Variants in PDE7A observed in about 807,000 individuals in gnomAD.
The protein encoded by PDE7A is high affinity 3',5'-cyclic-AMP phosphodiesterase 7A.
In PDE7A, 39 loss-of-function variants were observed where a neutral mutation model predicts 64.3. The ratio of observed to expected loss-of-function variants is 0.61; its 90% confidence interval spans 0.47 to 0.79. PDE7A has a LOEUF of 0.79. PDE7A is among the 30% of genes least tolerant of loss of function. PDE7A has a pLI of 0.00. For synonymous variants in PDE7A, 203 were observed against 206.8 expected (o/e 0.98, Z 0.16); for missense variants, 470 against 582.8 (o/e 0.81, Z 1.99).
chr8:65,815,933 T>C (rs1303113691), intron 1 of PDE7A, among the ~76,000 whole-genome samples: 1 of 152,314 alleles, frequency 6.6e-6, no homozygotes, highest in East Asian at 1.9e-4. Flanking sequence ...CAACACACTA[T>C]AACAAATTCA....
intron 1 of PDE7A, among the ~76,000 whole-genome samples, chr8:65,827,845 C>T (rs1235572480): frequency 2.0e-5 from 3 of 152,102 alleles, no homozygotes; most frequent in South Asian, 2.1e-4. Flanking sequence ...ACGACGAAAT[C>T]GCCTAATGAT....
At chr8:65,721,498 G>A (rs544138025) in intron 12 of PDE7A, among the ~76,000 whole-genome samples, 22 of 152,186 alleles carry the variant, frequency 1.4e-4, no homozygotes, top group African/African-American at 2.9e-4. Context: ...TCAAAGCACC[G>A]GTCCCCTAGG....
At chr8:65,801,779 G>C (rs1027879794) in intron 1 of PDE7A, among the ~76,000 whole-genome samples, 11 of 152,110 alleles carry the variant, frequency 7.2e-5, no homozygotes, top group Non-Finnish European at 1.6e-4. Context: ...AATTGCAAAG[G>C]CAATTAAGAC....
At chr8:65,807,619 A>T (rs1377225820) in intron 1 of PDE7A, among the ~76,000 whole-genome samples, 1 of 152,210 alleles carries the variant, frequency 6.6e-6, no homozygotes, top group Non-Finnish European at 1.5e-5. Flanking sequence ...TCCTACAGGG[A>T]AAACACCCAG....
At chr8:65,802,527 A>G (rs764463851) in intron 1 of PDE7A, among the ~76,000 whole-genome samples, 9 of 152,212 alleles carry the variant, frequency 5.9e-5, no homozygotes, top group Non-Finnish European at 1.3e-4. Flanking sequence ...CTTCCTAACT[A>G]CGGAGTCTTC....
chr8:65,839,189 A>G (rs1811017344), intron 1 of PDE7A, among the ~76,000 whole-genome samples: 1 of 151,894 alleles, frequency 6.6e-6, no homozygotes, highest in African/African-American at 2.4e-5. Flanking sequence ...TTAAAGTACA[A>G]AAACTGTAAC....
chr8:65,722,131 T>G (rs1049308659), intron 12 of PDE7A: 1 of 152,244 alleles, frequency 6.6e-6, no homozygotes, highest in Non-Finnish European at 1.5e-5. Context: ...ATTTGAAGAT[T>G]ATTCTACTTG....
chr8:65,770,121 C>CTGTGTG (rs10608556), intron 3 of PDE7A, among the ~76,000 whole-genome samples: 236 of 146,552 alleles, frequency 1.6e-3, no homozygotes, highest in Middle Eastern at 6.8e-3. Flanking sequence ...CAGTATACTT[C>CTGTGTG]TGTGTGTGTG....
intron 1 of PDE7A, among the ~76,000 whole-genome samples, chr8:65,794,637 G>A (rs1022194816): frequency 6.6e-6 from 1 of 152,106 alleles, no homozygotes; most frequent in Non-Finnish European, 1.5e-5. Flanking sequence ...ATTTTCTGAA[G>A]TATACTTGAG....
intron 3 of PDE7A, among the ~76,000 whole-genome samples, chr8:65,757,049 G>A (rs944743187): frequency 6.6e-6 from 1 of 152,168 alleles, no homozygotes; most frequent in African/African-American, 2.4e-5. Flanking sequence ...TCAGCTATGT[G>A]GAGGCTCCCT....
At chr8:65,789,760 T>C (rs1374823865) in intron 1 of PDE7A, among the ~76,000 whole-genome samples, 2 of 152,162 alleles carry the variant, frequency 1.3e-5, no homozygotes, top group East Asian at 3.8e-4. Context: ...GCTGAGAAAA[T>C]GCCTTTTGTG....
At chr8:65,768,115 GT>G (rs1316347221) in intron 3 of PDE7A, among the ~76,000 whole-genome samples, 1 of 152,176 alleles carries the variant, frequency 6.6e-6, no homozygotes, top group Admixed American at 6.5e-5. Context: ...CACACATTTG[GT>G]CACAGAAGTC....
At chr8:65,752,539 T>G (rs1279028949) in intron 3 of PDE7A, among the ~76,000 whole-genome samples, 1 of 152,236 alleles carries the variant, frequency 6.6e-6, no homozygotes, top group Non-Finnish European at 1.5e-5. Flanking sequence ...ATTTTTGCCC[T>G]TGTAAGTGAC....
At chr8:65,797,235 AT>A (rs958559072) in intron 1 of PDE7A, among the ~76,000 whole-genome samples, 6 of 152,196 alleles carry the variant, frequency 3.9e-5, no homozygotes, top group African/African-American at 1.4e-4. Flanking sequence ...ATGTGACCTC[AT>A]TTGGAAACAG....
chr8:65,817,759 T>G (rs994632779), intron 1 of PDE7A, among the ~76,000 whole-genome samples: 3 of 151,654 alleles, frequency 2.0e-5, no homozygotes, highest in Admixed American at 6.6e-5. Context: ...AGTGTTTTTT[T>G]TTTTTTTTTT....
At position 65,716,405 on chromosome 8, in the gene PDE7A, G is replaced by A. The variant is rs1395790894; in HGVS notation, c.*2885C>T. 1.3e-5 allele frequency among the ~76,000 whole-genome samples: 2 copies of A among 152,138 alleles called. No individual in the cohort carries two copies. Among genetic ancestry groups the A allele is most frequent in the African/African-American group, 2.4e-5 (1 of 41,426 alleles). On this transcript the variant is annotated 3_prime_UTR_variant, in exon 13 of 13. Transcript: ENST00000401827. ...CTGAAACAAGGCTTGAGGTAATGAC[G>A]TTATTTAATGCATGTGCCAATCAGA...
intron 1 of PDE7A, among the ~76,000 whole-genome samples, chr8:65,812,833 G>A (rs1474679178): frequency 6.6e-6 from 1 of 152,110 alleles, no homozygotes; most frequent in Non-Finnish European, 1.5e-5. Flanking sequence ...TATCACACTG[G>A]CAAGGATTCG....
intron 1 of PDE7A, among the ~76,000 whole-genome samples, chr8:65,796,300 G>A (rs566352382): frequency 5.9e-5 from 9 of 151,978 alleles, no homozygotes; most frequent in African/African-American, 1.9e-4. Flanking sequence ...GTCAAAGCAG[G>A]TTAAACGAAC....
At chr8:65,725,141 C>A (rs1806559955) in intron 9 of PDE7A, among the ~76,000 whole-genome samples, 1 of 151,864 alleles carries the variant, frequency 6.6e-6, no homozygotes, top group Non-Finnish European at 1.5e-5. Flanking sequence ...TAGGAAAATA[C>A]CAATATGCAA....
Sources: gnomAD v4.1 joint callset for allele counts (sites outside exome capture counted in the v4.1 genomes callset) on GRCh38, gnomAD v4.1.1 for gene constraint, MANE v1.5 for transcripts, NCBI Gene and HGNC (gene_info 2026-07-23, HGNC 2026-07-21) for gene names.